SPATA45: variants seen among roughly 807,000 people sequenced by gnomAD.
The protein encoded by SPATA45 is spermatogenesis-associated protein 45.
A neutral mutation model predicts 7.0 loss-of-function variants in SPATA45; 5 were observed. The observed-to-expected ratio is 0.71, with a 90% confidence interval of 0.37 to 1.50. The LOEUF is 1.50. Among genes scored for constraint, SPATA45 ranks in the 40% most tolerant of loss-of-function variants. The probability of loss-of-function intolerance (pLI) is 0.03; values close to 1 mark genes in which losing one functional copy is unlikely to be tolerated. For synonymous variants in SPATA45, 40 were observed against 38.7 expected, an observed-to-expected ratio of 1.03 and a Z score of -0.13; for missense variants, 111 against 114.9, an observed-to-expected ratio of 0.97 and a Z score of 0.16.
At chr1:212,836,242 T>G in intron 1 of SPATA45, 55 bp from the exon 2 acceptor site, 1 of 1,335,504 alleles carries the variant, frequency 7.5e-7, no homozygotes, top group Non-Finnish European at 1.0e-6. Context: ...GAAGCCAGTA[T>G]TCACAATCAC....
Position 212,836,024 on chromosome 1 carries a change from G to A in SPATA45, c.126C>T (p.Ser42=). Residue 42 remains serine (S), a synonymous_variant, in exon 2 of 3, where the codon AGC becomes AGT. Transcript: ENST00000332912. ...AGTGCCTCTTTTGAACTCTCAGTAA[G>A]CTGACTTGATTGCTTCGTTCCACCA... is the stretch of plus-strand genomic sequence containing the variant. ...NCLVERSNQV[S]LLRVQKRHFP... 2 of 1,611,378 alleles carry A rather than the reference G, an allele frequency of 1.2e-6. 1 individual carries two copies. The highest frequency in any genetic ancestry group is 2.2e-5 in the South Asian group (2 of 90,782).
At chr1:212,833,327 A>G (rs1320858862) in intron 2 of SPATA45, among the ~76,000 whole-genome samples, 1 of 151,322 alleles carries the variant, frequency 6.6e-6, no homozygotes, top group African/African-American at 2.4e-5. Context: ...AGAACAGACA[A>G]TATTTGGTTT....
chr1:212,830,290 G>A, intron 2 of SPATA45, 29 bp from the exon 3 acceptor site: 1 of 1,315,528 alleles, frequency 7.6e-7, no homozygotes, highest in African/African-American at 1.5e-5. Flanking sequence ...AAAAGTATTT[G>A]TTATATAACT....
chr1:212,844,486 C>T (rs1663753599), intron 1 of SPATA45, among the ~76,000 whole-genome samples: 1 of 152,130 alleles, frequency 6.6e-6, no homozygotes, highest in Admixed American at 6.6e-5. Flanking sequence ...CACTCCATTT[C>T]CCCATATTTC....
intron 2 of SPATA45, among the ~76,000 whole-genome samples, chr1:212,832,099 AC>A (rs1420791608): frequency 1.5e-5 from 2 of 133,998 alleles, no homozygotes; most frequent in Non-Finnish European, 3.1e-5. Flanking sequence ...GCTCACTGCA[AC>A]CTCCTCCTCC....
chr1:212,840,481 A>G (rs1026730977), intron 1 of SPATA45, among the ~76,000 whole-genome samples: 1 of 152,142 alleles, frequency 6.6e-6, no homozygotes, highest in African/African-American at 2.4e-5. Context: ...TTTTTGAGAC[A>G]GAGTCTTGCT....
At chr1:212,838,890 G>A (rs1161446513) in intron 1 of SPATA45, among the ~76,000 whole-genome samples, 1 of 150,998 alleles carries the variant, frequency 6.6e-6, no homozygotes, top group Non-Finnish European at 1.5e-5. Context: ...TTTTCATAGA[G>A]ATGAGGTCTC....
intron 2 of SPATA45, among the ~76,000 whole-genome samples, chr1:212,834,758 A>G (rs761165502): frequency 6.6e-6 from 1 of 151,378 alleles, no homozygotes; most frequent in African/African-American, 2.4e-5. Context: ...GCCTCTCCAC[A>G]TTTTATTAGG....
At chr1:212,839,221 A>G (rs1558097423) in intron 1 of SPATA45, among the ~76,000 whole-genome samples, 1 of 149,300 alleles carries the variant, frequency 6.7e-6, no homozygotes, top group African/African-American at 2.4e-5. Flanking sequence ...GATAAACACA[A>G]TATTATGGCT....
intron 1 of SPATA45, among the ~76,000 whole-genome samples, chr1:212,842,216 G>A (rs948747081): frequency 9.3e-5 from 14 of 151,316 alleles, no homozygotes; most frequent in African/African-American, 3.4e-4. Context: ...GGTCTCTACT[G>A]AAAATACAAA....
intron 1 of SPATA45, among the ~76,000 whole-genome samples, chr1:212,842,810 T>G (rs1446843770): frequency 6.6e-6 from 1 of 151,158 alleles, no homozygotes; most frequent in African/African-American, 2.4e-5. Context: ...CTGTCTCGGC[T>G]GGGCGTGGTG....
In SPATA45 at chr1:212,830,239, A is replaced by G. The variant is rs2102505585; in HGVS notation, c.*3T>C. On this transcript the variant is annotated 3_prime_UTR_variant, in exon 3 of 3. Transcript: ENST00000332912. ...TATTTCCGTGTGTCTCTGGAGATGC[A>G]CTTTATCCAAATATGGCATTATCTG... The G allele has an allele frequency of 1.3e-6, 2 of 1,524,644 alleles. No individual in the cohort carries two copies. 94.4% of individuals were successfully genotyped at this position (1,524,644 alleles called of 1,614,324 possible). A position where few individuals can be genotyped will look rare whatever the true frequency, so the allele number is the denominator to read the frequency against.
chr1:212,835,007 G>A (rs1663562851), intron 2 of SPATA45, among the ~76,000 whole-genome samples: 1 of 151,550 alleles, frequency 6.6e-6, no homozygotes, highest in African/African-American at 2.4e-5. Context: ...TACTGAATGA[G>A]ATGGCCTGAA....
chr1:212,836,292 C>T (rs1571990671), intron 1 of SPATA45, 105 bp from the exon 2 acceptor site: 1 of 828,926 alleles, frequency 1.2e-6, no homozygotes, highest in East Asian at 2.6e-5. Context: ...AAAATAACAC[C>T]ACAACCACCA....
chr1:212,846,232 T>A (rs1663791069), intron 1 of SPATA45, among the ~76,000 whole-genome samples: 1 of 113,426 alleles, frequency 8.8e-6, no homozygotes. Context: ...TCTCTCCCAC[T>A]CTAGGTTCCC....
intron 1 of SPATA45, among the ~76,000 whole-genome samples, chr1:212,836,520 G>A (rs768302939): frequency 7.3e-5 from 11 of 151,630 alleles, no homozygotes; most frequent in Non-Finnish European, 1.6e-4. Context: ...CAGTAGAGAT[G>A]GGGTTTCGCC....
intron 2 of SPATA45, among the ~76,000 whole-genome samples, chr1:212,834,604 C>T (rs1663556718): frequency 6.6e-6 from 1 of 151,516 alleles, no homozygotes; most frequent in African/African-American, 2.4e-5. Flanking sequence ...GTGCGTGCCA[C>T]CACGCCCAGC....
Position 212,835,969 on chromosome 1 carries a change from T to G in SPATA45, c.181A>C (p.Thr61Pro). 5 of 1,610,626 alleles carry G rather than the reference T, an allele frequency of 3.1e-6. No homozygotes were observed. Among genetic ancestry groups the G allele is most frequent in the Non-Finnish European group, 3.4e-6 (4 of 1,177,200 alleles). Reference sequence around the variant, plus strand: ...TTGGGAACAGGCTCTTTGGTTGTGGTATCAGTAAAGGACTGATAGGCATCC... The same window carrying G: ...TTGGGAACAGGCTCTTTGGTTGTGGGATCAGTAAAGGACTGATAGGCATCC... Reference protein sequence around the residue: ...FPDAYQSFTDTTTKEPVPNSG... With the variant: ...FPDAYQSFTDPTTKEPVPNSG... Residue 61 changes from threonine (T) to proline (P), a missense_variant, in exon 2 of 3, where the codon ACC becomes CCC. By Grantham distance (38) the Thr-to-Pro change is conservative (BLOSUM62 -1). Coordinates refer to ENST00000332912, the MANE Select transcript of SPATA45 (RefSeq NM_001024601.3).
At chr1:212,832,777 T>C (rs1281361327) in intron 2 of SPATA45, among the ~76,000 whole-genome samples, 2 of 151,468 alleles carry the variant, frequency 1.3e-5, no homozygotes, top group Non-Finnish European at 3.0e-5. Context: ...GAGAAACTCT[T>C]AGGTTTGTGA....
Sources: gnomAD v4.1 joint callset for allele counts (sites outside exome capture counted in the v4.1 genomes callset) on GRCh38, gnomAD v4.1.1 for gene constraint, MANE v1.5 for transcripts, NCBI Gene and HGNC (gene_info 2026-07-23, HGNC 2026-07-21) for gene names.